The following SYCP2L variants were observed in gnomAD, a reference collection of about 807,000 sequenced individuals.
SYCP2L encodes the protein synaptonemal complex protein 2-like.
A neutral mutation model predicts 125.8 loss-of-function variants in SYCP2L; 98 were observed. The ratio of observed to expected loss-of-function variants is 0.78; its 90% CI spans 0.66 to 0.92. The LOEUF (loss-of-function observed/expected upper bound fraction) is 0.92. Ranked by LOEUF, SYCP2L falls within the 40% of genes least tolerant of loss-of-function variation. The pLI, the probability that SYCP2L is intolerant of heterozygous loss-of-function variation, is 0.00. For synonymous variants in SYCP2L, 317 were observed against 325.4 expected, an observed-to-expected ratio of 0.97 and a Z score of 0.28; for missense variants, 842 against 936.4, an observed-to-expected ratio of 0.90 and a Z score of 1.32.
At chr6:10,888,741 T>A (rs775026873) in intron 1 of SYCP2L, among the ~76,000 whole-genome samples, 2 of 152,134 alleles carry the variant, frequency 1.3e-5, no homozygotes, top group Admixed American at 1.3e-4. Context: ...ACATAAAGGC[T>A]CCCGGGAATA....
intron 15 of SYCP2L, among the ~76,000 whole-genome samples, chr6:10,925,779 T>TA (rs1281255194): frequency 6.9e-4 from 105 of 152,232 alleles, no homozygotes; most frequent in African/African-American, 2.3e-3. Flanking sequence ...AGTCACTTGG[T>TA]TAAAAAACAC....
chr6:10,927,840 A>G (rs112686591), intron 17 of SYCP2L, among the ~76,000 whole-genome samples: 3 of 152,138 alleles, frequency 2.0e-5, no homozygotes, highest in Non-Finnish European at 2.9e-5. Context: ...CGACCATAGA[A>G]GATGGTCACA....
At chr6:10,930,630 A>C in intron 19 of SYCP2L, 116 bp downstream of exon 19, 3 of 1,215,288 alleles carry the variant, frequency 2.5e-6, no homozygotes, top group Non-Finnish European at 3.4e-6. Context: ...TTATGGGGCC[A>C]GCTTTCCCTG....
At chr6:10,946,614 C>A (rs904190501) in intron 23 of SYCP2L, among the ~76,000 whole-genome samples, 2 of 152,086 alleles carry the variant, frequency 1.3e-5, no homozygotes, top group African/African-American at 4.8e-5. Flanking sequence ...ACCATATTGG[C>A]AGAATTTTTT....
At chr6:10,909,116 ATTTTTTTTTT>A (rs67767345) in intron 10 of SYCP2L, among the ~76,000 whole-genome samples, 8 of 94,870 alleles carry the variant, frequency 8.4e-5, no homozygotes, top group East Asian at 2.6e-4. Context: ...TCTCAATTGA[ATTTTTTTTTT>A]TTTTTTTTTT....
In SYCP2L at chr6:10,963,070, A is replaced by G. The variant is rs149082368; in HGVS notation, c.2415-712A>G. Among the ~76,000 whole-genome samples the G allele has an allele frequency of 6.0e-3, 909 of 152,318 alleles. 10 individuals are homozygous for G. Among genetic ancestry groups the G allele is most frequent in the African/African-American group, 0.019 (808 of 41,566 alleles). On this transcript the variant is annotated intron_variant, in intron 28 of 29. Transcript: ENST00000283141. ...CCTGGGGGATTCATTTATTTTGACT[A>G]AATCCCCAATATTAGGCAACTCTCT...
intron 6 of SYCP2L, among the ~76,000 whole-genome samples, chr6:10,901,096 A>C (rs1391279230): frequency 6.6e-6 from 1 of 152,198 alleles, no homozygotes; most frequent in African/African-American, 2.4e-5. Context: ...GTGTTCTGCT[A>C]TATGGATTAT....
chr6:10,969,315 CT>C (rs1335748254), intron 29 of SYCP2L, among the ~76,000 whole-genome samples: 4 of 146,878 alleles, frequency 2.7e-5, no homozygotes, highest in Non-Finnish European at 4.5e-5. Context: ...CAAGACTGTG[CT>C]TTGTTATTTT....
chr6:10,919,159 A>T (rs147381109), intron 14 of SYCP2L, among the ~76,000 whole-genome samples: 1 of 152,154 alleles, frequency 6.6e-6, no homozygotes, highest in East Asian at 1.9e-4. Flanking sequence ...TTATTTTGTC[A>T]TAGTACTAGA....
At chr6:10,966,637 C>G (rs1781682794) in intron 29 of SYCP2L, among the ~76,000 whole-genome samples, 1 of 152,086 alleles carries the variant, frequency 6.6e-6, no homozygotes, top group Non-Finnish European at 1.5e-5. Flanking sequence ...GTAGATTGAA[C>G]ATGATTGAAA....
intron 6 of SYCP2L, among the ~76,000 whole-genome samples, chr6:10,900,368 T>G (rs1170327683): frequency 6.6e-6 from 1 of 151,562 alleles, no homozygotes; most frequent in Non-Finnish European, 1.5e-5. Flanking sequence ...CTTTTTTTTT[T>G]TTTGAGACAG....
In SYCP2L at chr6:10,898,026, G is replaced by A. The variant is rs758342015; in HGVS notation, c.352G>A (p.Glu118Lys). The A allele has an allele frequency of 5.6e-6, 9 of 1,613,610 alleles. No individual in the cohort carries two copies. The African/African-American group carries it at 1.2e-4, about 22-fold the overall frequency. Residue 118 changes from glutamate to lysine, a missense_variant, in exon 5 of 30, where the codon GAA (glutamate) becomes AAA (lysine). Glu to Lys is a moderately conservative substitution (Grantham distance 56). Coordinates refer to ENST00000283141, the MANE Select transcript of SYCP2L (RefSeq NM_001040274.3). Reference protein sequence around the residue: ...GLIPKLVSWFERTTGILTSEG... With the variant: ...GLIPKLVSWFKRTTGILTSEG... The stretch of plus-strand genomic sequence containing the variant: ...TCCTGTGTACCTAGTTTCCTGGTTT[G>A]AAAGAACAACAGGAATTCTGACCTC...
intron 23 of SYCP2L, among the ~76,000 whole-genome samples, chr6:10,953,527 A>G (rs953956605): frequency 6.6e-6 from 1 of 152,230 alleles, no homozygotes; most frequent in Non-Finnish European, 1.5e-5. Flanking sequence ...TAGGAGAATT[A>G]GAATAAGAGA....
In SYCP2L at chr6:10,956,253, A is replaced by G. The variant is rs1781500982; in HGVS notation, c.2163+11A>G. 2 of 1,590,764 alleles carry G rather than the reference A, an allele frequency of 1.3e-6. No homozygotes were observed. Among genetic ancestry groups the G allele is most frequent in the Non-Finnish European group, 1.7e-6 (2 of 1,161,074 alleles). ...AAAAGAAAATATGAGGTAGTAGTCC[A>G]CAAAACTTAAAAAACTAGAGCGTTA... On this transcript the variant is annotated intron_variant, in intron 25 of 29. Coordinates refer to ENST00000283141, the MANE Select transcript of SYCP2L (RefSeq NM_001040274.3).
chr6:10,896,050 A>T (rs2113290013), intron 4 of SYCP2L, among the ~76,000 whole-genome samples: 1 of 152,226 alleles, frequency 6.6e-6, no homozygotes, highest in Non-Finnish European at 1.5e-5. Context: ...GCTACTTGGG[A>T]AACTGAGGCA....
intron 29 of SYCP2L, among the ~76,000 whole-genome samples, chr6:10,973,315 C>G (rs1430371704): frequency 6.6e-6 from 1 of 152,128 alleles, no homozygotes; most frequent in African/African-American, 2.4e-5. Context: ...GGCGGATCAC[C>G]TGAGGTGAGG....
chr6:10,953,195 T>G (rs1468865087), intron 23 of SYCP2L, among the ~76,000 whole-genome samples: 1 of 152,184 alleles, frequency 6.6e-6, no homozygotes, highest in East Asian at 1.9e-4. Flanking sequence ...TCAATTGGTA[T>G]TTCTTACCTC....
intron 6 of SYCP2L, 35 bp downstream of exon 6, chr6:10,898,883 T>TGAAAAA: frequency 8.1e-7 from 1 of 1,230,694 alleles, no homozygotes; most frequent in Non-Finnish European, 1.2e-6. Context: ...TGGCTATTAA[T>TGAAAAA]TTTTCATTAA....
chr6:10,895,008 C>CT (rs1780233048), intron 4 of SYCP2L, among the ~76,000 whole-genome samples: 1 of 152,232 alleles, frequency 6.6e-6, no homozygotes, highest in African/African-American at 2.4e-5. Flanking sequence ...AATTATGAAG[C>CT]TACCCCCTCA....
Sources: allele counts gnomAD v4.1 joint callset (sites outside exome capture counted in the v4.1 genomes callset), GRCh38; gene constraint gnomAD v4.1.1; transcripts MANE v1.5; gene names NCBI Gene and HGNC (gene_info 2026-07-23, HGNC 2026-07-21).